The following SPTBN4 variants were observed in gnomAD, a reference collection of about 807,000 sequenced individuals.
SPTBN4 encodes spectrin beta chain, non-erythrocytic 4.
SPTBN4 carries 96 observed loss-of-function variants against 277.8 expected under a neutral mutation model. The observed-to-expected ratio is 0.35, with a 90% CI of 0.29 to 0.41. SPTBN4 has a LOEUF of 0.41. SPTBN4 is among the 10% of genes least tolerant of loss of function. The pLI is 1.00. For synonymous variants in SPTBN4, 1,481 were observed against 1,580.3 expected (o/e 0.94, Z 1.49); for missense variants, 3,006 against 3,595.7 (o/e 0.84, Z 4.19).
chr19:40,487,455 C>T (rs1019062531), intron 2 of SPTBN4, among the ~76,000 whole-genome samples: 1 of 151,830 alleles, frequency 6.6e-6, no homozygotes, highest in Non-Finnish European at 1.5e-5. Flanking sequence ...AAGCAATTCT[C>T]CTGCCTCAGC....
At position 40,519,634 on chromosome 19, in the gene SPTBN4, C is replaced by T. The variant is rs1251961660; in HGVS notation, c.3137C>T (p.Ala1046Val). ...CAGGCGGCCCTTCTGGAGGAGGCAG[C>T]CCTGCTGGCTGAGCGCTTCCCGGCG... ...PRQAALLEEA[A>V]LLAERFPAQA... Residue 1046 changes from alanine (A) to valine (V), a missense_variant, in exon 16 of 36, where the codon GCC becomes GTC. Physicochemically the swap from Ala to Val is moderately conservative, Grantham distance 64. Coordinates refer to ENST00000598249, the MANE Select transcript of SPTBN4 (RefSeq NM_020971.3). This position sits in a 1 kb window ranked among gnomAD's most constrained non-coding sequence, Gnocchi z 5.7. 3 of 1,422,958 alleles carry T rather than the reference C, an allele frequency of 2.1e-6. No homozygotes were observed. Among genetic ancestry groups the T allele is most frequent in the Admixed American group, 3.4e-5 (1 of 29,392 alleles). The allele number at this position is 1,422,958 out of a possible 1,614,324, so 88.1% of individuals were successfully genotyped here.
intron 31 of SPTBN4, among the ~76,000 whole-genome samples, chr19:40,569,016 G>A (rs1202397963): frequency 6.6e-6 from 1 of 152,134 alleles, no homozygotes; most frequent in Admixed American, 6.6e-5. Flanking sequence ...AAACAGGCTT[G>A]TCATCAATGA....
At chr19:40,549,096 G>A in intron 20 of SPTBN4, 93 bp from the exon 21 acceptor site, 1 of 1,065,294 alleles carries the variant, frequency 9.4e-7, no homozygotes, top group South Asian at 1.7e-5. Flanking sequence ...GGGCCGCGGT[G>A]AGGGGTCTGG....
Position 40,512,926 on chromosome 19 carries a change from G to C in SPTBN4, c.2137G>C (p.Ala713Pro). 7.0e-7 allele frequency: 1 copy of C among 1,425,886 alleles called. No individual in the cohort carries two copies. The highest frequency in any genetic ancestry group is 9.1e-7 in the Non-Finnish European group (1 of 1,101,152). 88.3% of individuals were successfully genotyped at this position (1,425,886 alleles called of 1,614,324 possible). Residue 713 changes from alanine (A) to proline (P), a missense_variant, in exon 14 of 36, where the codon GCG becomes CCG. Transcript: ENST00000598249. The part of the protein sequence containing the change: ...ILQGELGGRR[A>P]LLQQALRCGE... ...GCAGGGCGAGCTGGGCGGGCGGCGA[G>C]CGTTGCTGCAGCAGGCCCTGCGGTG... is the stretch of plus-strand genomic sequence containing the variant.
At chr19:40,523,710 G>T in intron 17 of SPTBN4, 71 bp downstream of exon 17, 1 of 1,433,808 alleles carries the variant, frequency 7.0e-7, no homozygotes, top group South Asian at 1.4e-5. Context: ...GAGTGGTGTG[G>T]GAGGCCAGGG....
Position 40,487,789 on chromosome 19 carries a change from G to A in SPTBN4, c.262G>A (p.Asp88Asn), listed in dbSNP as rs893558417. ...VGCHIGDLYV[D>N]LRDGFVLTRL... ...CTGCCACATCGGGGACCTCTATGTG[G>A]ACCTCCGGGACGGCTTCGTGCTCAC... The change falls in exon 3 of 36, where the codon GAC (aspartate) becomes AAC (asparagine). Residue 88 changes from aspartate (D) to asparagine (N), a missense_variant. By Grantham distance (23) the Asp-to-Asn change is conservative (BLOSUM62 1). Coordinates refer to ENST00000598249, the MANE Select transcript of SPTBN4 (RefSeq NM_020971.3). 3 of 1,612,416 alleles carry A rather than the reference G, an allele frequency of 1.9e-6. No homozygotes were observed. In the African/African-American group the frequency reaches 4.0e-5, roughly 22 times the overall value.
In SPTBN4 at chr19:40,567,924, G is replaced by T; in HGVS notation, c.6598G>T (p.Gly2200Trp). 6.6e-7 allele frequency: 1 copy of T among 1,521,266 alleles called. No individual in the cohort carries two copies. Among genetic ancestry groups the T allele is most frequent in the Non-Finnish European group, 8.8e-7 (1 of 1,138,056 alleles). The allele number at this position is 1,521,266 out of a possible 1,614,324, so 94.2% of individuals were successfully genotyped here. ...CATTGACCGGCTGCCGGAGATCCCGGGGAGGGTGGAGCCCGCGGCCCTGCC... is the reference window on the plus strand; with the variant it reads ...CATTGACCGGCTGCCGGAGATCCCGTGGAGGGTGGAGCCCGCGGCCCTGCC... ...PRIDRLPEIP[G>W]RVEPAALPAA... is the part of the protein sequence containing the mutation. Residue 2200 changes from glycine (G) to tryptophan (W), a missense_variant, in exon 31 of 36, where the codon GGG becomes TGG. Coordinates refer to ENST00000598249, the MANE Select transcript of SPTBN4 (RefSeq NM_020971.3).
rs2080887381 is a variant in SPTBN4, at chr19:40,549,046, C to T, written c.4360-143C>T. 4 of 642,970 alleles carry T rather than the reference C, an allele frequency of 6.2e-6. No homozygotes were observed. The South Asian group carries it at 8.3e-5, about 13-fold the overall frequency. The allele number at this position is 642,970 out of a possible 1,614,324, so 39.8% of individuals were successfully genotyped here. The stretch of plus-strand genomic sequence containing the variant: ...TGATGCAGGTTCATGCGGAGCGCAT[C>T]GCTCCTGGAGGGGACTGAACAAGGA... On this transcript the variant is annotated intron_variant, in intron 20 of 35. Coordinates refer to ENST00000598249, the MANE Select transcript of SPTBN4 (RefSeq NM_020971.3).
At chr19:40,569,857 G>T (rs986514637) in intron 32 of SPTBN4, 131 bp downstream of exon 32, 17 of 824,936 alleles carry the variant, frequency 2.1e-5, no homozygotes, top group Non-Finnish European at 1.3e-5. Context: ...AGACAGCATG[G>T]ACTCTCAGGG....
At chr19:40,481,929 A>G (rs2080016665) in intron 2 of SPTBN4, among the ~76,000 whole-genome samples, 1 of 150,062 alleles carries the variant, frequency 6.7e-6, no homozygotes, top group African/African-American at 2.4e-5. Flanking sequence ...TGAGATGGCC[A>G]TTCAAGTCTT....
chr19:40,574,856 A>G (rs2081186175), intron 35 of SPTBN4, among the ~76,000 whole-genome samples: 1 of 152,010 alleles, frequency 6.6e-6, no homozygotes, highest in Non-Finnish European at 1.5e-5. Context: ...CTCTACTAAA[A>G]ATACAAAAAG....
At chr19:40,542,567 GGCTCTGT>G (rs1366340317) in intron 20 of SPTBN4, among the ~76,000 whole-genome samples, 13 of 151,986 alleles carry the variant, frequency 8.6e-5, no homozygotes, top group Non-Finnish European at 1.8e-4. Context: ...GCAGCTGCCA[GGCTCTGT>G]CCCTGGGGAC....
intron 14 of SPTBN4, among the ~76,000 whole-genome samples, chr19:40,514,575 G>A (rs2080432686): frequency 6.6e-6 from 1 of 152,212 alleles, no homozygotes; most frequent in Non-Finnish European, 1.5e-5. Context: ...GGGCCCAGAG[G>A]AAGAACAAAT....
In SPTBN4 at chr19:40,572,198, C is replaced by T. The variant is rs1187374318; in HGVS notation, c.7493+6C>T. Reference sequence around the variant, plus strand: ...AAGCATGTCTTCAAGCTCCAGTGAGCCCCCCAATGGGCAGGAGGGAGGGAT... The same window carrying T: ...AAGCATGTCTTCAAGCTCCAGTGAGTCCCCCAATGGGCAGGAGGGAGGGAT... On this transcript the variant is annotated splice_donor_region_variant and intron_variant, in intron 34 of 35. Coordinates refer to ENST00000598249, the MANE Select transcript of SPTBN4 (RefSeq NM_020971.3). 16 of 1,593,494 alleles carry T rather than the reference C, an allele frequency of 1.0e-5. No homozygotes were observed. Among genetic ancestry groups the T allele is most frequent in the East Asian group, 2.3e-5 (1 of 44,436 alleles).
intron 2 of SPTBN4, among the ~76,000 whole-genome samples, chr19:40,473,997 A>T (rs573213694): frequency 1.8e-4 from 27 of 151,438 alleles, no homozygotes; most frequent in Admixed American, 1.1e-3. Context: ...AAAATAAAAA[A>T]AAAAATTAGC....
chr19:40,553,800 A>AG (rs1159945738), intron 22 of SPTBN4, among the ~76,000 whole-genome samples: 2 of 152,128 alleles, frequency 1.3e-5, no homozygotes, highest in Admixed American at 1.3e-4. Context: ...GCTAAGCTGC[A>AG]GGGTTTCTGT....
At chr19:40,570,336 C>A in intron 32 of SPTBN4, 100 bp from the exon 33 acceptor site, 2 of 701,118 alleles carry the variant, frequency 2.9e-6, no homozygotes, top group East Asian at 3.5e-5. Flanking sequence ...GACAAATGGC[C>A]CTGTAGACAG....
chr19:40,566,349 G>A lies in SPTBN4; in HGVS notation c.6326G>A (p.Arg2109His), dbSNP rs745464977. 16 of 1,556,760 alleles carry A rather than the reference G, an allele frequency of 1.0e-5. No individual in the cohort carries two copies. Among genetic ancestry groups the A allele is most frequent in the Non-Finnish European group, 1.3e-5 (15 of 1,151,094 alleles). The part of the protein sequence containing the change: ...AWEERFSSLR[R>H]LTTIEKIKAE... Reference sequence around the variant, plus strand: ...GAAGAGAGGTTCAGCTCTCTGCGGCGCCTGACCACGGTCAGCTCCCCAGAT... The same window carrying A: ...GAAGAGAGGTTCAGCTCTCTGCGGCACCTGACCACGGTCAGCTCCCCAGAT... Residue 2109 changes from arginine (R) to histidine (H), a missense_variant, in exon 30 of 36, where the codon CGC becomes CAC. Physicochemically the swap from Arg to His is conservative, Grantham distance 29. This residue lies in a region of SPTBN4 where 630 missense variants were observed against 677.6 expected (regional missense o/e 0.93). Coordinates refer to ENST00000598249, the MANE Select transcript of SPTBN4 (RefSeq NM_020971.3).
rs146275275 is a variant in SPTBN4 at position 40,549,784 on chromosome 19, T to C, written c.4584+371T>C. 2.4e-3 allele frequency among the ~76,000 whole-genome samples: 364 copies of C among 152,302 alleles called. 2 individuals carry two copies. Among genetic ancestry groups the C allele is most frequent in the African/African-American group, 8.6e-3 (356 of 41,564 alleles). ...TAGCCCCAGCCCTGTGTTTGGATGA[T>C]AGTGGGGCCACAGGGGTGGCCAAGG... is the stretch of plus-strand genomic sequence containing the variant. On this transcript the variant is annotated intron_variant, in intron 21 of 35. Transcript: ENST00000598249.
Sources: gnomAD v4.1 joint callset for allele counts (sites outside exome capture counted in the v4.1 genomes callset) on GRCh38, gnomAD v4.1.1 for gene constraint, gnomAD v4.1.1 regional missense constraint, Gnocchi (gnomAD v3.1) non-coding constraint, MANE v1.5 for transcripts, NCBI Gene and HGNC (gene_info 2026-07-23, HGNC 2026-07-21) for gene names.